DTX2: variants seen among roughly 807,000 people sequenced by gnomAD.
The protein encoded by DTX2 is probable E3 ubiquitin-protein ligase DTX2.
A neutral mutation model predicts 55.3 loss-of-function variants in DTX2; 29 were observed. The ratio of observed to expected loss-of-function variants is 0.52; its 90% CI spans 0.39 to 0.71. DTX2 has a LOEUF of 0.71. Among genes scored for constraint, DTX2 ranks in the 30% least tolerant of loss-of-function variants. DTX2 has a pLI of 0.00. For synonymous variants in DTX2, 276 were observed against 340.4 expected, an observed-to-expected ratio of 0.81 and a Z score of 2.08; for missense variants, 537 against 822.5, an observed-to-expected ratio of 0.65 and a Z score of 4.25.
chr7:76,468,436 TGGCCCAC>T (rs1807428509), intron 2 of DTX2, among the ~76,000 whole-genome samples: 1 of 106,734 alleles, frequency 9.4e-6, no homozygotes, highest in African/African-American at 3.6e-5. Context: ...CAGCCAAATC[TGGCCCAC>T]TGCCATTTTT....
At chr7:76,498,349 C>G (rs1811166439) in intron 6 of DTX2, among the ~76,000 whole-genome samples, 1 of 151,506 alleles carries the variant, frequency 6.6e-6, no homozygotes, top group Non-Finnish European at 1.5e-5. Context: ...GGGCCTCGAG[C>G]TCCTGCCCCC....
intron 2 of DTX2, among the ~76,000 whole-genome samples, chr7:76,479,757 G>T: frequency 6.6e-6 from 1 of 151,382 alleles, no homozygotes; most frequent in East Asian, 2.0e-4. Flanking sequence ...TGGGTGACAA[G>T]AGGGAAACTC....
At position 76,505,486 on chromosome 7, in the gene DTX2, C is replaced by T. The variant is rs1563762449; in HGVS notation, c.1754C>T (p.Thr585Ile). The T allele has an allele frequency of 6.2e-7, 1 of 1,609,734 alleles. No homozygotes were observed. Among genetic ancestry groups the T allele is most frequent in the Admixed American group, 1.7e-5 (1 of 59,520 alleles). ...TVVWNEIHHKTEMDRNITGHG... is the reference protein window; with the variant it reads ...TVVWNEIHHKIEMDRNITGHG... ...GTATGGAACGAGATCCACCACAAGACAGAGATGGACCGCAACATTACGGGC... is the reference window on the plus strand; with the variant it reads ...GTATGGAACGAGATCCACCACAAGATAGAGATGGACCGCAACATTACGGGC... Residue 585 changes from threonine (T) to isoleucine (I), a missense_variant, in exon 11 of 11, where the codon ACA (threonine) becomes ATA (isoleucine). Physicochemically the swap from Thr to Ile is moderately conservative, Grantham distance 89 (BLOSUM62 -1). Coordinates refer to ENST00000430490, the MANE Select transcript of DTX2 (RefSeq NM_001102594.3). The surrounding 1 kb of genome is among the most constrained non-coding windows in gnomAD (Gnocchi z 4.4).
In DTX2 at chr7:76,505,562, T is replaced by A; in HGVS notation, c.1830T>A (p.Ala610=). The part of the protein sequence containing the change: ...NYLQNVLAEL[A]AQGVTEDCLE... ...TGCAGAACGTGCTGGCTGAGCTGGC[T>A]GCCCAGGGGGTGACCGAGGACTGCC... Residue 610 remains alanine, a synonymous_variant, in exon 11 of 11, where the codon GCT becomes GCA. Coordinates refer to ENST00000430490, the MANE Select transcript of DTX2 (RefSeq NM_001102594.3). This position sits in a 1 kb window ranked among gnomAD's most constrained non-coding sequence, Gnocchi z 4.4. 1 of 1,600,634 alleles carries A rather than the reference T, an allele frequency of 6.2e-7. No homozygotes were observed.
At position 76,468,448 on chromosome 7, in the gene DTX2, ATTTTTTTTTTT is replaced by A. The variant is rs1202957368; in HGVS notation, c.-90+4757_-90+4767del. Among the ~76,000 whole-genome samples the A allele has an allele frequency of 8.9e-4, 33 of 37,060 alleles. No individual in the cohort carries two copies. The South Asian group carries it at 0.039, about 43-fold the overall frequency. 24.3% of individuals were successfully genotyped at this position (37,060 alleles called of 152,430 possible). On this transcript the variant is annotated intron_variant, in intron 2 of 10. Transcript: ENST00000430490. ...CCTCAGCCAAATCTGGCCCACTGCC[ATTTTTTTTTTT>A]TTTTTTTTTTTTTTTTTGAGATGGA...
intron 2 of DTX2, among the ~76,000 whole-genome samples, chr7:76,475,456 G>A (rs2462305): frequency 0.5 from 72,848 of 146,820 alleles, 17,990 homozygotes; most frequent in South Asian, 0.62. Context: ...GGAGGCTGAG[G>A]CGGGTGGATC....
At position 76,505,260 on chromosome 7, in the gene DTX2, G is replaced by A. The variant is rs1812209961; in HGVS notation, c.1642-114G>A. 3 of 881,424 alleles carry A rather than the reference G, an allele frequency of 3.4e-6. No homozygotes were observed. 54.6% of individuals were successfully genotyped at this position (881,424 alleles called of 1,614,324 possible). The stretch of plus-strand genomic sequence containing the variant: ...GGGGTGAGTGCCAGGGAGTGGATGA[G>A]TCACCTGGGAGGGGCTGGGATGGGA... On this transcript the variant is annotated intron_variant, in intron 10 of 10. Coordinates refer to ENST00000430490, the MANE Select transcript of DTX2 (RefSeq NM_001102594.3). This position sits in a 1 kb window ranked among gnomAD's most constrained non-coding sequence, Gnocchi z 4.4.
chr7:76,486,700 G>C (rs1258451306), intron 4 of DTX2, among the ~76,000 whole-genome samples: 318 of 118,418 alleles, frequency 2.7e-3, no homozygotes, highest in South Asian at 0.017. Context: ...ACACTGCTTA[G>C]CACTTGGATG....
At chr7:76,472,436 C>CAGGAAG (rs1808037784) in intron 2 of DTX2, among the ~76,000 whole-genome samples, 1 of 137,964 alleles carries the variant, frequency 7.2e-6, no homozygotes, top group Non-Finnish European at 1.6e-5. Context: ...AGGGGATTCT[C>CAGGAAG]CTGCCTCAGC....
chr7:76,482,031 G>A (rs1271670870), intron 3 of DTX2, among the ~76,000 whole-genome samples: 5 of 152,094 alleles, frequency 3.3e-5, no homozygotes, highest in African/African-American at 9.7e-5. Context: ...GTGTCGTAGA[G>A]TCTGTGAAAA....
In DTX2 at chr7:76,480,635, C is replaced by T. The variant is rs747244729; in HGVS notation, c.126C>T (p.Ile42=). The T allele has an allele frequency of 1.5e-5, 24 of 1,613,506 alleles. No homozygotes were observed. The highest frequency in any genetic ancestry group is 8.9e-5 in the East Asian group (4 of 44,902). ...HPYSATVCSF[I]EQQFVQQKGQ... ...ACAGTGCCACCGTCTGCAGCTTCATCGAGCAGCAGTTTGTCCAGCAGAAGG... is the reference window on the plus strand; with the variant it reads ...ACAGTGCCACCGTCTGCAGCTTCATTGAGCAGCAGTTTGTCCAGCAGAAGG... The change falls in exon 3 of 11, where the codon ATC becomes ATT. Residue 42 remains isoleucine, a synonymous_variant. Coordinates refer to ENST00000430490, the MANE Select transcript of DTX2 (RefSeq NM_001102594.3).
chr7:76,501,934 G>A (rs1811746013), intron 7 of DTX2: 1 of 265,096 alleles, frequency 3.8e-6, no homozygotes, highest in Non-Finnish European at 6.9e-6. Flanking sequence ...TGTCACCCAG[G>A]CTGGAGTGCA....
Position 76,480,357 on chromosome 7 carries a change from T to C in DTX2, c.-89-64T>C, listed in dbSNP as rs961822807. The C allele has an allele frequency of 4.8e-6, 5 of 1,039,786 alleles. 1 individual carries two copies. The highest frequency in any genetic ancestry group is 3.6e-5 in the South Asian group (2 of 54,876). 64.4% of individuals were successfully genotyped at this position (1,039,786 alleles called of 1,614,324 possible). On this transcript the variant is annotated intron_variant, in intron 2 of 10. Coordinates refer to ENST00000430490, the MANE Select transcript of DTX2 (RefSeq NM_001102594.3). ...AAAGCATCACGTGTTTCCCCTGCGC[T>C]GAGGCTGATTCTGCAGGGCTACTGA... is the stretch of plus-strand genomic sequence containing the variant.
At position 76,471,352 on chromosome 7, in the gene DTX2, A is replaced by G. The variant is rs370124494; in HGVS notation, c.-90+7643A>G. 8.1e-3 allele frequency among the ~76,000 whole-genome samples: 1,195 copies of G among 147,232 alleles called. 3 individuals carry two copies. Among genetic ancestry groups the G allele is most frequent in the East Asian group, 0.035 (165 of 4,682 alleles). ...AATTTTTTGTATTTTTAGTAGAGAC[A>G]GGGTTTCACCATGTTAGCCACGATG... On this transcript the variant is annotated intron_variant, in intron 2 of 10. Transcript: ENST00000430490.
At chr7:76,465,264 C>T (rs1399453628) in intron 2 of DTX2, among the ~76,000 whole-genome samples, 6 of 144,776 alleles carry the variant, frequency 4.1e-5, no homozygotes, top group Non-Finnish European at 8.9e-5. Flanking sequence ...CACGCTGATG[C>T]ACATGGGAGT....
intron 1 of DTX2, among the ~76,000 whole-genome samples, chr7:76,462,923 T>C (rs1373482958): frequency 2.2e-5 from 1 of 45,454 alleles, no homozygotes; most frequent in East Asian, 6.9e-4. Flanking sequence ...AAAAATCAGA[T>C]GGGCGTGTTG....
Position 76,505,391 on chromosome 7 carries a change from G to C in DTX2, c.1659G>C (p.Lys553Asn). The stretch of plus-strand genomic sequence containing the variant: ...CCGGGCAGGTCCTAGAGCTCCTGAA[G>C]GTGGCCTGGAAGAGGCGGCTCATCT... ...AQGRKVLELL[K>N]VAWKRRLIFT... Residue 553 changes from lysine (K) to asparagine (N), a missense_variant, in exon 11 of 11, where the codon AAG becomes AAC. Lys to Asn is a moderately conservative substitution (Grantham distance 94, BLOSUM62 0). Transcript: ENST00000430490. The surrounding 1 kb of genome is among the most constrained non-coding windows in gnomAD (Gnocchi z 4.4). 6.3e-7 allele frequency: 1 copy of C among 1,583,662 alleles called. No homozygotes were observed. The highest frequency in any genetic ancestry group is 8.6e-7 in the Non-Finnish European group (1 of 1,165,446).
intron 2 of DTX2, chr7:76,470,882 A>C: frequency 2.0e-6 from 1 of 508,068 alleles, no homozygotes; most frequent in Non-Finnish European, 3.4e-6. Flanking sequence ...GCAGTTGCGC[A>C]TACCAGCCCA....
At position 76,482,941 on chromosome 7, in the gene DTX2, C is replaced by T. The variant is rs376653406; in HGVS notation, c.702C>T (p.Thr234=). The T allele has an allele frequency of 5.8e-5, 94 of 1,613,698 alleles. No homozygotes were observed. The highest frequency in any genetic ancestry group is 4.2e-4 in the Admixed American group (25 of 59,994). ...TCCCCCAGCACCCCCCACACAGGAC[C>T]GCTTCTGTGTTTGGGACCCACCAGG... is the stretch of plus-strand genomic sequence containing the variant. The part of the protein sequence containing the change: ...YPVPQHPPHR[T]ASVFGTHQAF... The change falls in exon 4 of 11, where the codon ACC becomes ACT. Residue 234 remains threonine, a synonymous_variant. Transcript: ENST00000430490.
Sources: gnomAD v4.1 joint callset for allele counts (sites outside exome capture counted in the v4.1 genomes callset) on GRCh38, gnomAD v4.1.1 for gene constraint, Gnocchi (gnomAD v3.1) non-coding constraint, MANE v1.5 for transcripts, NCBI Gene and HGNC (gene_info 2026-07-23, HGNC 2026-07-21) for gene names.